CHSY3: variants seen among roughly 807,000 people sequenced by gnomAD.
CHSY3 encodes the protein N-acetylgalactosaminyl-proteoglycan 3-beta-glucuronosyltransferase 3.
CHSY3 carries 35 observed loss-of-function variants against 67.2 expected under a neutral mutation model. The observed-to-expected ratio is 0.52, with a 90% CI of 0.40 to 0.69. The LOEUF (loss-of-function observed/expected upper bound fraction) is 0.69. Ranked by LOEUF, CHSY3 falls within the 30% of genes least tolerant of loss-of-function variation. The pLI, the probability that CHSY3 is intolerant of heterozygous loss-of-function variation, is 0.00. For missense variants in CHSY3, 1,069 were observed against 1,138.5 expected (o/e 0.94, Z 0.88); for synonymous variants, 474 against 434.7 (o/e 1.09, Z -1.12).
At chr5:129,927,047 A>T (rs1417171436) in intron 2 of CHSY3, among the ~76,000 whole-genome samples, 1 of 151,976 alleles carries the variant, frequency 6.6e-6, no homozygotes, top group Non-Finnish European at 1.5e-5. Context: ...CTTGAAACAA[A>T]CAATAAATGT....
chr5:130,010,781 A>G (rs1057401904), intron 2 of CHSY3, among the ~76,000 whole-genome samples: 2 of 152,144 alleles, frequency 1.3e-5, no homozygotes, highest in Admixed American at 6.6e-5. Flanking sequence ...ACAATCAGAA[A>G]TGACAGGGGA....
chr5:130,151,797 G>A (rs993878930), intron 2 of CHSY3, among the ~76,000 whole-genome samples: 1 of 152,124 alleles, frequency 6.6e-6, no homozygotes, highest in African/African-American at 2.4e-5. Context: ...ACCTCCTACT[G>A]TGTCCCTTCC....
chr5:130,028,021 G>A (rs1487299759), intron 2 of CHSY3, among the ~76,000 whole-genome samples: 1 of 152,072 alleles, frequency 6.6e-6, no homozygotes, highest in Non-Finnish European at 1.5e-5. Context: ...GGTATTTCTA[G>A]TTCTAGATCC....
At chr5:130,167,497 T>G (rs1173192151) in intron 2 of CHSY3, among the ~76,000 whole-genome samples, 2 of 152,092 alleles carry the variant, frequency 1.3e-5, no homozygotes, top group Non-Finnish European at 2.9e-5. Context: ...AAGTAAATCT[T>G]CTAAGAAAAA....
At chr5:130,165,615 A>AT (rs555183039) in intron 2 of CHSY3, among the ~76,000 whole-genome samples, 6 of 150,798 alleles carry the variant, frequency 4.0e-5, no homozygotes, top group Admixed American at 2.7e-4. Flanking sequence ...AGTTTATGGT[A>AT]TTTTTTTTTC....
At chr5:129,924,263 A>G (rs906825107) in intron 2 of CHSY3, among the ~76,000 whole-genome samples, 1 of 152,114 alleles carries the variant, frequency 6.6e-6, no homozygotes, top group Non-Finnish European at 1.5e-5. Context: ...AACATTAGAC[A>G]ACTTGATACA....
intron 2 of CHSY3, among the ~76,000 whole-genome samples, chr5:129,941,014 T>C (rs1009473954): frequency 6.6e-6 from 1 of 151,560 alleles, no homozygotes; most frequent in African/African-American, 2.4e-5. Flanking sequence ...AAGCCAGGAG[T>C]TTGAAACCTA....
At chr5:129,969,171 C>T (rs2149612574) in intron 2 of CHSY3, among the ~76,000 whole-genome samples, 1 of 151,736 alleles carries the variant, frequency 6.6e-6, no homozygotes, top group South Asian at 2.1e-4. Flanking sequence ...TTCCTATTTT[C>T]CTATAAAATG....
chr5:130,111,324 AT>A (rs1391162971), intron 2 of CHSY3, among the ~76,000 whole-genome samples: 1 of 152,114 alleles, frequency 6.6e-6, no homozygotes, highest in Non-Finnish European at 1.5e-5. Context: ...GTTGTTTAAA[AT>A]TCTTTTCACA....
At chr5:129,939,181 T>G (rs956067115) in intron 2 of CHSY3, among the ~76,000 whole-genome samples, 3 of 152,120 alleles carry the variant, frequency 2.0e-5, no homozygotes, top group African/African-American at 7.2e-5. Flanking sequence ...CTACACACTT[T>G]GAAATAATCA....
At chr5:130,153,524 A>G (rs1016759927) in intron 2 of CHSY3, among the ~76,000 whole-genome samples, 3 of 152,112 alleles carry the variant, frequency 2.0e-5, no homozygotes, top group African/African-American at 7.2e-5. Context: ...ATCTCAGCGT[A>G]TAATCCCCAA....
intron 2 of CHSY3, among the ~76,000 whole-genome samples, chr5:129,977,932 A>C (rs1032692901): frequency 5.3e-5 from 8 of 151,790 alleles, no homozygotes; most frequent in Non-Finnish European, 1.2e-4. Flanking sequence ...TCATAGATGG[A>C]TTTCTGAGTG....
chr5:130,012,018 G>A (rs867168186), intron 2 of CHSY3, among the ~76,000 whole-genome samples: 4 of 151,898 alleles, frequency 2.6e-5, no homozygotes, highest in African/African-American at 9.7e-5. Context: ...ATCAATGGCC[G>A]TACTCCACAC....
chr5:130,029,285 A>C (rs1455245641), intron 2 of CHSY3, among the ~76,000 whole-genome samples: 1 of 152,154 alleles, frequency 6.6e-6, no homozygotes, highest in Non-Finnish European at 1.5e-5. Flanking sequence ...AGCAGGTCTC[A>C]TGCTACACAT....
At position 130,055,093 on chromosome 5, in the gene CHSY3, C is replaced by T. The variant is rs115700685; in HGVS notation, c.1087-129136C>T. ...GGGGAGTGTGTCTGGCTGTGGGTCT[C>T]TGTCTTCTGATACGTATAGGGATTT... On this transcript the variant is annotated intron_variant, in intron 2 of 2. Coordinates refer to ENST00000305031, the MANE Select transcript of CHSY3 (RefSeq NM_175856.5). Among the ~76,000 whole-genome samples, 773 of 152,210 alleles carry T rather than the reference C, an allele frequency of 5.1e-3. 9 individuals are homozygous for T. Among genetic ancestry groups the T allele is most frequent in the African/African-American group, 0.018 (736 of 41,528 alleles).
At chr5:129,951,365 C>T (rs1038943655) in intron 2 of CHSY3, among the ~76,000 whole-genome samples, 7 of 151,916 alleles carry the variant, frequency 4.6e-5, no homozygotes, top group Non-Finnish European at 1.0e-4. Context: ...AACTAAATCT[C>T]AGGCAACAAA....
intron 2 of CHSY3, among the ~76,000 whole-genome samples, chr5:130,133,797 A>G (rs1427264363): frequency 0.01 from 581 of 57,928 alleles, no homozygotes; most frequent in Non-Finnish European, 0.018. Flanking sequence ...AAAAAAAAAG[A>G]AAAAAAAAAA....
intron 2 of CHSY3, among the ~76,000 whole-genome samples, chr5:130,074,052 A>G (rs1186273568): frequency 6.6e-6 from 1 of 151,804 alleles, no homozygotes; most frequent in Admixed American, 6.6e-5. Flanking sequence ...TCTTTCAGCT[A>G]GAATACAAGT....
At chr5:129,933,385 C>T (rs1480130813) in intron 2 of CHSY3, among the ~76,000 whole-genome samples, 1 of 152,134 alleles carries the variant, frequency 6.6e-6, no homozygotes, top group Non-Finnish European at 1.5e-5. Flanking sequence ...TGTCCAACCC[C>T]TTTCCTTGGA....
Sources: gnomAD v4.1 joint callset for allele counts (sites outside exome capture counted in the v4.1 genomes callset) on GRCh38, gnomAD v4.1.1 for gene constraint, MANE v1.5 for transcripts, NCBI Gene and HGNC (gene_info 2026-07-23, HGNC 2026-07-21) for gene names.